The following STAC variants were observed in gnomAD, a reference collection of about 807,000 sequenced individuals.
STAC encodes the protein SH3 and cysteine rich domain.
A neutral mutation model predicts 48.8 loss-of-function variants in STAC; 43 were observed. That is an observed-to-expected ratio of 0.88 (90% CI 0.69 to 1.14). The LOEUF (loss-of-function observed/expected upper bound fraction) is 1.14, where lower values mean the gene tolerates loss of function less well. STAC is among the 50% of genes most tolerant of loss of function. The pLI, the probability that STAC is intolerant of heterozygous loss-of-function variation, is 0.00. For synonymous variants in STAC, 193 were observed against 179.5 expected, an observed-to-expected ratio of 1.07 and a Z score of -0.60; for missense variants, 497 against 504.0, an observed-to-expected ratio of 0.99 and a Z score of 0.13.
At chr3:36,397,031 T>C (rs1699870266) in intron 1 of STAC, among the ~76,000 whole-genome samples, 1 of 152,216 alleles carries the variant, frequency 6.6e-6, no homozygotes, top group South Asian at 2.1e-4. Context: ...TTTTTGTTCC[T>C]CAAAACAAAA....
rs554736043 is a variant in STAC, at chr3:36,442,720, T to C, written c.112-644T>C. Reference sequence around the variant, plus strand: ...AGAGCAGATAAAGTCAAAAGGATAATACAATATGTCCTATGTCCTACACAC... The same window carrying C: ...AGAGCAGATAAAGTCAAAAGGATAACACAATATGTCCTATGTCCTACACAC... On this transcript the variant is annotated intron_variant, in intron 1 of 10. Coordinates refer to ENST00000273183, the MANE Select transcript of STAC (RefSeq NM_003149.3). Among the ~76,000 whole-genome samples the C allele has an allele frequency of 2.7e-4, 40 of 145,828 alleles. No individual in the cohort carries two copies. In the South Asian group the frequency reaches 7.2e-3, roughly 26 times the overall value.
chr3:36,440,521 T>A (rs1271147087), intron 1 of STAC, among the ~76,000 whole-genome samples: 1 of 152,136 alleles, frequency 6.6e-6, no homozygotes, highest in Non-Finnish European at 1.5e-5. Flanking sequence ...GGCAGTTTGG[T>A]AGGTTTCTAG....
At chr3:36,484,375 G>T (rs1245321895) in intron 3 of STAC, among the ~76,000 whole-genome samples, 2 of 152,178 alleles carry the variant, frequency 1.3e-5, no homozygotes, top group Non-Finnish European at 2.9e-5. Flanking sequence ...TATTTACTCT[G>T]ATTTGCAATG....
intron 1 of STAC, among the ~76,000 whole-genome samples, chr3:36,411,692 GGT>G (rs1700198228): frequency 6.6e-6 from 1 of 152,190 alleles, no homozygotes; most frequent in Non-Finnish European, 1.5e-5. Flanking sequence ...CCAGGTTGTA[GGT>G]CCCCTAATGG....
At chr3:36,420,370 T>C (rs1259591914) in intron 1 of STAC, among the ~76,000 whole-genome samples, 1 of 152,202 alleles carries the variant, frequency 6.6e-6, no homozygotes, top group African/African-American at 2.4e-5. Context: ...TCCCTTGCTT[T>C]TCTAATAGTA....
intron 8 of STAC, 78 bp downstream of exon 8, chr3:36,505,912 T>A: frequency 1.1e-6 from 1 of 939,346 alleles, no homozygotes; most frequent in Non-Finnish European, 1.6e-6. Context: ...TAAGTCCATC[T>A]GTGCCCCTCC....
chr3:36,513,852 G>A (rs73067894), intron 8 of STAC, among the ~76,000 whole-genome samples: 17,219 of 151,956 alleles, frequency 0.11, 1,086 homozygotes, highest in Non-Finnish European at 0.13. Flanking sequence ...GAGCAAAAGG[G>A]GGGGAGGGGA....
intron 1 of STAC, among the ~76,000 whole-genome samples, chr3:36,405,944 A>C (rs1348535692): frequency 6.6e-6 from 1 of 151,996 alleles, no homozygotes; most frequent in African/African-American, 2.4e-5. Flanking sequence ...GATGGTCTTG[A>C]ACTCCTGGAT....
chr3:36,387,795 T>G (rs1248059768), intron 1 of STAC, among the ~76,000 whole-genome samples: 4 of 152,090 alleles, frequency 2.6e-5, no homozygotes, highest in African/African-American at 9.7e-5. Flanking sequence ...TGCTATGAAG[T>G]GGGTGTGCAA....
intron 2 of STAC, among the ~76,000 whole-genome samples, chr3:36,446,505 A>G (rs994351092): frequency 6.6e-6 from 1 of 152,236 alleles, no homozygotes; most frequent in Admixed American, 6.5e-5. Context: ...ACTCAGCTTC[A>G]CTGTGTATCA....
chr3:36,412,880 A>T (rs889714065), intron 1 of STAC, among the ~76,000 whole-genome samples: 1 of 152,146 alleles, frequency 6.6e-6, no homozygotes, highest in Non-Finnish European at 1.5e-5. Flanking sequence ...ACTTAATCCA[A>T]TCTACAAGGA....
At chr3:36,472,768 C>G (rs2125692759) in intron 2 of STAC, among the ~76,000 whole-genome samples, 1 of 152,326 alleles carries the variant, frequency 6.6e-6, no homozygotes, top group African/African-American at 2.4e-5. Flanking sequence ...ATCTTATTAT[C>G]CATATCGCTA....
At chr3:36,410,331 G>T (rs781669668) in intron 1 of STAC, among the ~76,000 whole-genome samples, 46 of 152,194 alleles carry the variant, frequency 3.0e-4, no homozygotes, top group Non-Finnish European at 5.7e-4. Flanking sequence ...CTCTGTGAAT[G>T]TAAGTAATAA....
intron 5 of STAC, among the ~76,000 whole-genome samples, chr3:36,492,023 A>ATATATATATATATATAT (rs1697984842): frequency 4.0e-5 from 1 of 25,002 alleles, no homozygotes; most frequent in African/African-American, 1.0e-4. Context: ...AAAAAAAAAA[A>ATATATATATATATATAT]AAAAAAAAAT....
At chr3:36,415,143 C>T (rs997235298) in intron 1 of STAC, among the ~76,000 whole-genome samples, 5 of 152,174 alleles carry the variant, frequency 3.3e-5, no homozygotes, top group Admixed American at 1.3e-4. Context: ...GGCAGTCTGT[C>T]GGTTCTCGGA....
intron 1 of STAC, among the ~76,000 whole-genome samples, chr3:36,389,503 A>G (rs1219809589): frequency 2.6e-5 from 4 of 152,196 alleles, no homozygotes; most frequent in African/African-American, 9.7e-5. Flanking sequence ...AATGAATTTC[A>G]GGGGAACACA....
intron 8 of STAC, among the ~76,000 whole-genome samples, chr3:36,509,646 T>G (rs1698488310): frequency 6.6e-6 from 1 of 151,892 alleles, no homozygotes; most frequent in African/African-American, 2.4e-5. Flanking sequence ...TTTATTTCAT[T>G]AAGTTGATCT....
chr3:36,439,403 T>C (rs1464938548), intron 1 of STAC, among the ~76,000 whole-genome samples: 2 of 152,196 alleles, frequency 1.3e-5, no homozygotes, highest in African/African-American at 4.8e-5. Context: ...TTATCCTCTG[T>C]GTCCTTCATG....
chr3:36,487,441 A>T (rs1697843700), intron 5 of STAC, among the ~76,000 whole-genome samples: 1 of 152,102 alleles, frequency 6.6e-6, no homozygotes, highest in Admixed American at 6.5e-5. Context: ...AATAATTTTT[A>T]CTCTTTTTCC....
Sources: allele counts gnomAD v4.1 joint callset (sites outside exome capture counted in the v4.1 genomes callset), GRCh38; gene constraint gnomAD v4.1.1; transcripts MANE v1.5; gene names NCBI Gene and HGNC (gene_info 2026-07-23, HGNC 2026-07-21).